The following SNRPF variants were observed in gnomAD, a reference collection of about 807,000 sequenced individuals.
SNRPF encodes small nuclear ribonucleoprotein polypeptide F.
Under a neutral mutation model 13.4 loss-of-function variants are expected in SNRPF, and 1 was observed. That is an observed-to-expected ratio of 0.07 (90% CI 0.03 to 0.35). The LOEUF (loss-of-function observed/expected upper bound fraction) is 0.35, where lower values mean the gene tolerates loss of function less well. Ranked by LOEUF, SNRPF falls within the 10% of genes least tolerant of loss-of-function variation. The pLI, the probability that SNRPF is intolerant of heterozygous loss-of-function variation, is 0.99. For synonymous variants in SNRPF, 27 were observed against 32.1 expected (o/e 0.84, Z 0.54); for missense variants, 53 against 101.0 (o/e 0.52, Z 2.04).
chr12:95,864,529 A>G (rs2079512199), intron 2 of SNRPF, among the ~76,000 whole-genome samples: 1 of 152,260 alleles, frequency 6.6e-6, no homozygotes, highest in Non-Finnish European at 1.5e-5. Context: ...TAGTTCACCA[A>G]AATAGCTGTA....
intron 2 of SNRPF, chr12:95,861,608 C>T (rs2079496731): frequency 4.4e-6 from 1 of 229,048 alleles, no homozygotes. Flanking sequence ...ATCATTTAGC[C>T]CTGAAAGAAA....
At chr12:95,859,129 C>T (rs2079480849) in intron 1 of SNRPF, 53 bp downstream of exon 1, 20 of 1,513,372 alleles carry the variant, frequency 1.3e-5, no homozygotes, top group Admixed American at 1.7e-5. Context: ...AGGAGGGAGA[C>T]CAGCCTCGCG....
chr12:95,859,362 G>GC (rs1174351453), intron 1 of SNRPF, among the ~76,000 whole-genome samples: 15 of 152,282 alleles, frequency 9.9e-5, no homozygotes, highest in African/African-American at 3.1e-4. Context: ...AAGAGAATTT[G>GC]CACTTCCCAC....
At chr12:95,863,092 T>C (rs1361134865) in intron 2 of SNRPF, among the ~76,000 whole-genome samples, 1 of 152,144 alleles carries the variant, frequency 6.6e-6, no homozygotes, top group Non-Finnish European at 1.5e-5. Context: ...ATCCAAGGAT[T>C]CCATACTTGT....
chr12:95,861,786 G>T, intron 2 of SNRPF: 1 of 153,472 alleles, frequency 6.5e-6, no homozygotes, highest in Non-Finnish European at 1.5e-5. Flanking sequence ...GTGTTTTGGT[G>T]GGTTTTTTTG....
In SNRPF at chr12:95,861,808, CTT is replaced by C. The variant is rs528446885; in HGVS notation, c.129+519_129+520del. ...GGTGGGTTTTTTTGTAATTAATTAT[CTT>C]TTTATTGTGGTAAAATATACATTAC... is the stretch of plus-strand genomic sequence containing the variant. On this transcript the variant is annotated intron_variant, in intron 2 of 3. Transcript: ENST00000266735. 706 of 153,450 alleles carry C rather than the reference CTT, an allele frequency of 4.6e-3. 2 individuals carry two copies. Among genetic ancestry groups the C allele is most frequent in the Non-Finnish European group, 7.1e-3 (491 of 68,968 alleles). The allele number at this position is 153,450 out of a possible 1,614,324, so 9.5% of individuals were successfully genotyped here. A position where few individuals can be genotyped will look rare whatever the true frequency, so the allele number is the denominator to read the frequency against.
At position 95,866,002 on chromosome 12, in the gene SNRPF, C is replaced by T; in HGVS notation, c.195-3C>T. On this transcript the variant is annotated splice_region_variant and splice_polypyrimidine_tract_variant and intron_variant, in intron 3 of 3. Transcript: ENST00000266735. ...CAACAAAATCGACTTTTTCTATTTACAGGTGTAATAATGTCCTTTATATCA... is the reference window on the plus strand; with the variant it reads ...CAACAAAATCGACTTTTTCTATTTATAGGTGTAATAATGTCCTTTATATCA... The T allele has an allele frequency of 7.0e-7, 1 of 1,433,620 alleles. No homozygotes were observed. Among genetic ancestry groups the T allele is most frequent in the Non-Finnish European group, 9.7e-7 (1 of 1,035,490 alleles). The allele number at this position is 1,433,620 out of a possible 1,614,324, so 88.8% of individuals were successfully genotyped here.
At chr12:95,865,479 C>T (rs1174849700) in intron 3 of SNRPF, 91 bp downstream of exon 3, 5 of 594,192 alleles carry the variant, frequency 8.4e-6, no homozygotes, top group Non-Finnish European at 1.5e-5. Flanking sequence ...TTTGGAATTA[C>T]TTTTTTTTAA....
At chr12:95,861,379 T>C in intron 2 of SNRPF, 86 bp downstream of exon 2, 1 of 1,262,348 alleles carries the variant, frequency 7.9e-7, no homozygotes, top group Non-Finnish European at 1.1e-6. Flanking sequence ...CTAATAAGAA[T>C]ACATACAATT....
Position 95,866,126 on chromosome 12 carries a change from TG to T in SNRPF, c.*56del. ...TATTTCTAGACAATAAAGATTTGTTTGTTTTTCAACTTGACTTGTGAACTAT... is the reference window on the plus strand; with the variant it reads ...TATTTCTAGACAATAAAGATTTGTTTTTTTTCAACTTGACTTGTGAACTAT... On this transcript the variant is annotated 3_prime_UTR_variant, in exon 4 of 4. Coordinates refer to ENST00000266735, the MANE Select transcript of SNRPF (RefSeq NM_003095.5). 1 of 895,632 alleles carries T rather than the reference TG, an allele frequency of 1.1e-6. No individual in the cohort carries two copies. Among genetic ancestry groups the T allele is most frequent in the African/African-American group, 1.8e-5 (1 of 56,984 alleles). The allele number at this position is 895,632 out of a possible 1,614,324, so 55.5% of individuals were successfully genotyped here.
intron 1 of SNRPF, 22 bp downstream of exon 1, chr12:95,859,098 G>A: frequency 6.3e-7 from 1 of 1,599,842 alleles, no homozygotes; most frequent in Non-Finnish European, 8.6e-7. Flanking sequence ...GAGAACGGCG[G>A]GAGAAGCGGG....
Position 95,858,989 on chromosome 12 carries a change from G to C in SNRPF, c.-85G>C. 6.3e-7 allele frequency: 1 copy of C among 1,592,222 alleles called. No individual in the cohort carries two copies. Among genetic ancestry groups the C allele is most frequent in the Non-Finnish European group, 8.5e-7 (1 of 1,171,134 alleles). ...CATTTCTCTTGAAACTGCGGCTCGGGACCTGCGGTACCTGCTGTAGTCACG... is the reference window on the plus strand; with the variant it reads ...CATTTCTCTTGAAACTGCGGCTCGGCACCTGCGGTACCTGCTGTAGTCACG... On this transcript the variant is annotated 5_prime_UTR_variant, in exon 1 of 4. Coordinates refer to ENST00000266735, the MANE Select transcript of SNRPF (RefSeq NM_003095.5).
intron 2 of SNRPF, among the ~76,000 whole-genome samples, chr12:95,862,558 T>A (rs2079501117): frequency 6.6e-6 from 1 of 152,074 alleles, no homozygotes; most frequent in Non-Finnish European, 1.5e-5. Context: ...ACAAAAAAAA[T>A]ACAAAAACTA....
Position 95,866,045 on chromosome 12 carries a change from G to A in SNRPF, c.235G>A (p.Glu79Lys). 6.5e-7 allele frequency: 1 copy of A among 1,541,830 alleles called. No homozygotes were observed. The highest frequency in any genetic ancestry group is 8.9e-7 in the Non-Finnish European group (1 of 1,125,980). Residue 79 changes from glutamate (E) to lysine (K), a missense_variant, in exon 4 of 4, where the codon GAA (glutamate) becomes AAA (lysine). Glu to Lys is a moderately conservative substitution (Grantham distance 56). Transcript: ENST00000266735. Reference protein sequence around the residue: ...VLYIRGVEEEEEDGEMRE With the variant: ...VLYIRGVEEEKEDGEMRE ...TTATATCAGAGGTGTGGAAGAAGAG[G>A]AAGAAGATGGGGAAATGAGAGAATA...
chr12:95,861,406 G>A (rs996564831), intron 2 of SNRPF, 113 bp downstream of exon 2: 34 of 1,018,084 alleles, frequency 3.3e-5, no homozygotes, highest in East Asian at 2.2e-4. Flanking sequence ...ACAAATATAC[G>A]GCAAAATTCA....
chr12:95,861,082 A>G, intron 1 of SNRPF, 86 bp from the exon 2 acceptor site: 1 of 1,299,520 alleles, frequency 7.7e-7, no homozygotes, highest in Admixed American at 2.4e-5. Flanking sequence ...TCATTTGCAT[A>G]CCACAAAATA....
In SNRPF at chr12:95,861,072, T is replaced by A. The variant is rs2079493481; in HGVS notation, c.4-96T>A. On this transcript the variant is annotated intron_variant, in intron 1 of 3. Coordinates refer to ENST00000266735, the MANE Select transcript of SNRPF (RefSeq NM_003095.5). ...AATAATAAGGAGTCAAAAGTTTTCTTCATTTGCATACCACAAAATATTGGT... is the reference window on the plus strand; with the variant it reads ...AATAATAAGGAGTCAAAAGTTTTCTACATTTGCATACCACAAAATATTGGT... 1.1e-5 allele frequency: 13 copies of A among 1,177,562 alleles called. No individual in the cohort carries two copies. The South Asian group carries it at 1.6e-4, about 15-fold the overall frequency. 72.9% of individuals were successfully genotyped at this position (1,177,562 alleles called of 1,614,324 possible). A position where few individuals can be genotyped will look rare whatever the true frequency, so the allele number is the denominator to read the frequency against.
At chr12:95,862,317 TG>T (rs1473662361) in intron 2 of SNRPF, among the ~76,000 whole-genome samples, 2 of 152,250 alleles carry the variant, frequency 1.3e-5, no homozygotes, top group Non-Finnish European at 2.9e-5. Flanking sequence ...ATAATGCTGC[TG>T]TGAACATGGG....
rs1342026414 is a variant in SNRPF, at chr12:95,859,213, C to T, written c.3+137C>T. ...CGCGCACCCTGTCGCCAGCTCCTTT[C>T]ACTCTGCTTTTAGGTTTCTGAGGCG... is the stretch of plus-strand genomic sequence containing the variant. On this transcript the variant is annotated intron_variant, in intron 1 of 3. Coordinates refer to ENST00000266735, the MANE Select transcript of SNRPF (RefSeq NM_003095.5). 8.5e-6 allele frequency: 6 copies of T among 706,770 alleles called. No homozygotes were observed. In the East Asian group the frequency reaches 1.7e-4, roughly 20 times the overall value. 43.8% of individuals were successfully genotyped at this position (706,770 alleles called of 1,614,324 possible). A position where few individuals can be genotyped will look rare whatever the true frequency, so the allele number is the denominator to read the frequency against.
Sources: gnomAD v4.1 joint callset for allele counts (sites outside exome capture counted in the v4.1 genomes callset) on GRCh38, gnomAD v4.1.1 for gene constraint, MANE v1.5 for transcripts, NCBI Gene and HGNC (gene_info 2026-07-23, HGNC 2026-07-21) for gene names.